The following WDPCP variants were observed in gnomAD, a reference collection of about 807,000 sequenced individuals.
WDPCP encodes WD repeat-containing and planar cell polarity effector protein fritz homolog.
Under a neutral mutation model 93.1 loss-of-function variants are expected in WDPCP, and 71 were observed. The ratio of observed to expected loss-of-function variants is 0.76; its 90% CI spans 0.63 to 0.93. WDPCP has a LOEUF of 0.93. WDPCP is among the 40% of genes least tolerant of loss of function. The probability of loss-of-function intolerance (pLI) is 0.00; values close to 1 mark genes in which losing one functional copy is unlikely to be tolerated. For synonymous variants in WDPCP, 315 were observed against 315.0 expected, an observed-to-expected ratio of 1.00 and a Z score of 0.00; for missense variants, 844 against 887.4, an observed-to-expected ratio of 0.95 and a Z score of 0.62.
chr2:63,432,811 C>T (rs913238931), intron 9 of WDPCP, among the ~76,000 whole-genome samples: 2 of 152,064 alleles, frequency 1.3e-5, no homozygotes, highest in Admixed American at 6.6e-5. Flanking sequence ...TTAAATCAAT[C>T]GTTTTAAAAA....
upstream of WDPCP, chr2:63,588,977 G>A (rs1575715582): frequency 8.7e-6 from 14 of 1,611,562 alleles, no homozygotes; most frequent in East Asian, 3.1e-4. Flanking sequence ...CAGTTCCGCG[G>A]TAGAGGTGAC....
intron 3 of WDPCP, among the ~76,000 whole-genome samples, chr2:63,621,650 A>T (rs1709739029): frequency 6.6e-6 from 1 of 152,180 alleles, no homozygotes; most frequent in African/African-American, 2.4e-5. Flanking sequence ...GCAGGCCAAC[A>T]TTCAAATTCA....
chr2:63,823,522 C>A lies in WDPCP; in HGVS notation n.222+4100G>T, dbSNP rs527241430. 3.8e-3 allele frequency among the ~76,000 whole-genome samples: 581 copies of A among 151,706 alleles called. 14 individuals are homozygous for A. Among genetic ancestry groups the A allele is most frequent in the Non-Finnish European group, 1.2e-3 (80 of 67,838 alleles). On this transcript the variant is annotated intron_variant and non_coding_transcript_variant, in intron 1 of 4. Coordinates refer to the WDPCP transcript ENST00000467687. ...CATCTCAAAAACAAAAACAAACAAACAAAAAAAACTTTTCCAACCTACATA... is the reference window on the plus strand; with the variant it reads ...CATCTCAAAAACAAAAACAAACAAAAAAAAAAAACTTTTCCAACCTACATA...
chr2:63,433,880 A>T lies in WDPCP; in HGVS notation c.690T>A (p.Ala230=). ...CAACTCTATCATGAACACAGTTGAT[A>T]GCTAGATGTCGCTCTGTTGTCTTGT... ...PINKTTERHL[A]INCVHDRVVC... The change falls in exon 9 of 18, where the codon GCT becomes GCA. Residue 230 remains alanine (A), a synonymous_variant. Coordinates refer to ENST00000272321, the MANE Select transcript of WDPCP (RefSeq NM_015910.7). 2 of 1,614,034 alleles carry T rather than the reference A, an allele frequency of 1.2e-6. No individual in the cohort carries two copies. The highest frequency in any genetic ancestry group is 1.7e-6 in the Non-Finnish European group (2 of 1,179,938).
intron 2 of WDPCP, among the ~76,000 whole-genome samples, chr2:63,670,286 C>T (rs1710329908): frequency 6.6e-6 from 1 of 152,184 alleles, no homozygotes; most frequent in Non-Finnish European, 1.5e-5. Flanking sequence ...GGCGTTGCTA[C>T]ACAGCCAGTG....
At chr2:63,392,310 T>C (rs1172552685) in intron 10 of WDPCP, among the ~76,000 whole-genome samples, 2 of 152,178 alleles carry the variant, frequency 1.3e-5, no homozygotes, top group African/African-American at 4.8e-5. Flanking sequence ...TAATAAATGG[T>C]GCTGGGAAAA....
chr2:63,745,440 A>C (rs1172144138), intron 2 of WDPCP, among the ~76,000 whole-genome samples: 1 of 152,206 alleles, frequency 6.6e-6, no homozygotes, highest in Non-Finnish European at 1.5e-5. Context: ...GTTGATTACT[A>C]TCATTATTAA....
intron 6 of WDPCP, among the ~76,000 whole-genome samples, chr2:63,482,164 T>C (rs2105892157): frequency 6.6e-6 from 1 of 152,158 alleles, no homozygotes; most frequent in Non-Finnish European, 1.5e-5. Context: ...TTGCTGTGGT[T>C]GCCTGGCTCA....
At chr2:63,714,876 T>C (rs1669312570) in intron 2 of WDPCP, among the ~76,000 whole-genome samples, 1 of 152,098 alleles carries the variant, frequency 6.6e-6, no homozygotes, top group African/African-American at 2.4e-5. Flanking sequence ...CAAATGTTCA[T>C]AGCAGCACAT....
intron 6 of WDPCP, among the ~76,000 whole-genome samples, chr2:63,450,340 G>C (rs969809029): frequency 1.1e-4 from 16 of 152,110 alleles, no homozygotes; most frequent in African/African-American, 3.9e-4. Context: ...ACCTGTCTGG[G>C]GCTGTGGGTG....
At chr2:63,653,370 CTT>C (rs1485487878) in intron 2 of WDPCP, among the ~76,000 whole-genome samples, 4 of 152,142 alleles carry the variant, frequency 2.6e-5, no homozygotes, top group Non-Finnish European at 4.4e-5. Context: ...AGTGAAGAGA[CTT>C]TGCTGAATAC....
At chr2:63,616,767 A>G (rs1438900225) in intron 3 of WDPCP, among the ~76,000 whole-genome samples, 2 of 152,258 alleles carry the variant, frequency 1.3e-5, no homozygotes, top group East Asian at 3.8e-4. Flanking sequence ...TATGCAAATA[A>G]GGATATTAGT....
chr2:63,208,330 G>C (rs1209311354), intron 14 of WDPCP, among the ~76,000 whole-genome samples: 1 of 152,104 alleles, frequency 6.6e-6, no homozygotes, highest in Non-Finnish European at 1.5e-5. Context: ...AAGGGGGTGA[G>C]TGTGCCAAGA....
chr2:63,162,201 C>A (rs572061839), intron 15 of WDPCP, among the ~76,000 whole-genome samples: 2 of 152,102 alleles, frequency 1.3e-5, no homozygotes, highest in African/African-American at 2.4e-5. Flanking sequence ...TCGACTTGCA[C>A]AGCATGCAAG....
chr2:63,682,218 C>G (rs543306431), intron 2 of WDPCP, among the ~76,000 whole-genome samples: 1 of 152,204 alleles, frequency 6.6e-6, no homozygotes, highest in African/African-American at 2.4e-5. Context: ...CATGGAGAAA[C>G]AGGGACATGT....
chr2:63,491,821 G>A (rs573442934), intron 2 of WDPCP, among the ~76,000 whole-genome samples: 4 of 152,156 alleles, frequency 2.6e-5, no homozygotes, highest in Admixed American at 2.0e-4. Flanking sequence ...CCAGAATTTT[G>A]AGTCATAAAT....
chr2:63,804,651 T>A (rs1363189518), intron 2 of WDPCP, among the ~76,000 whole-genome samples: 1 of 151,706 alleles, frequency 6.6e-6, no homozygotes, highest in Non-Finnish European at 1.5e-5. Context: ...ACGACTAGAA[T>A]AACTTAGAAG....
intron 2 of WDPCP, among the ~76,000 whole-genome samples, chr2:63,678,418 T>C (rs958468002): frequency 2.0e-5 from 3 of 152,144 alleles, no homozygotes; most frequent in African/African-American, 7.2e-5. Flanking sequence ...GTTGGAGAAT[T>C]GATTAAGAAT....
At chr2:63,671,612 AT>A (rs1275270679) in intron 2 of WDPCP, among the ~76,000 whole-genome samples, 1 of 151,518 alleles carries the variant, frequency 6.6e-6, no homozygotes, top group Non-Finnish European at 1.5e-5. Context: ...CAGTGGTGCG[AT>A]CTCGGCTCAC....
Sources: allele counts gnomAD v4.1 joint callset (sites outside exome capture counted in the v4.1 genomes callset), GRCh38; gene constraint gnomAD v4.1.1; transcripts MANE v1.5; gene names NCBI Gene and HGNC (gene_info 2026-07-23, HGNC 2026-07-21).